The following KHDRBS2 variants were observed in gnomAD, a reference collection of about 807,000 sequenced individuals.
KHDRBS2 encodes KH domain-containing, RNA-binding, signal transduction-associated protein 2.
Under a neutral mutation model 44.3 loss-of-function variants are expected in KHDRBS2, and 26 were observed. The observed-to-expected ratio is 0.59, with a 90% CI of 0.43 to 0.81. The LOEUF is 0.81. KHDRBS2 is among the 40% of genes least tolerant of loss of function. The pLI is 0.00. For missense variants in KHDRBS2, 476 were observed against 433.1 expected (o/e 1.10, Z -0.88); for synonymous variants, 194 against 151.1 (o/e 1.28, Z -2.08).
chr6:61,607,763 C>G, the KHDRBS2 span, among the ~76,000 whole-genome samples: 1 of 152,144 alleles, frequency 6.6e-6, no homozygotes, highest in Non-Finnish European at 1.5e-5. Flanking sequence ...TCTTGGCTCA[C>G]TGCAACCTCC....
intron 6 of KHDRBS2, among the ~76,000 whole-genome samples, chr6:61,890,737 A>G (rs1030064580): frequency 1.3e-5 from 2 of 152,210 alleles, no homozygotes; most frequent in Non-Finnish European, 2.9e-5. Context: ...TATTTTTCAC[A>G]TACTATGTCT....
chr6:61,588,777 G>A, the KHDRBS2 span, among the ~76,000 whole-genome samples: 1 of 151,780 alleles, frequency 6.6e-6, no homozygotes, highest in Non-Finnish European at 1.5e-5. Context: ...GGCTGACAGG[G>A]CAAGACCCTG....
At chr6:62,261,914 T>C (rs1191519218) in intron 1 of KHDRBS2, among the ~76,000 whole-genome samples, 1 of 151,796 alleles carries the variant, frequency 6.6e-6, no homozygotes, top group Non-Finnish European at 1.5e-5. Flanking sequence ...GTTGTGGAAA[T>C]ACATGAGCGT....
chr6:61,747,844 A>G (rs1203728617), intron 6 of KHDRBS2, among the ~76,000 whole-genome samples: 1 of 152,190 alleles, frequency 6.6e-6, no homozygotes, highest in African/African-American at 2.4e-5. Context: ...CAGAATTACC[A>G]ATTTTATTTT....
chr6:62,211,023 G>A (rs539668059), intron 1 of KHDRBS2, among the ~76,000 whole-genome samples: 3 of 152,102 alleles, frequency 2.0e-5, no homozygotes, highest in Admixed American at 6.5e-5. Context: ...ATATACATAT[G>A]TTCAAACACC....
chr6:61,769,768 A>C (rs1281386617), intron 6 of KHDRBS2, among the ~76,000 whole-genome samples: 1 of 152,246 alleles, frequency 6.6e-6, no homozygotes, highest in African/African-American at 2.4e-5. Context: ...GGCAGGGCAC[A>C]GACAAACAAA....
At chr6:61,945,148 T>TATATATATATAC (rs1554284651) in intron 4 of KHDRBS2, among the ~76,000 whole-genome samples, 3 of 71,450 alleles carry the variant, frequency 4.2e-5, no homozygotes, top group African/African-American at 1.5e-4. Flanking sequence ...TATATATATA[T>TATATATATATAC]ATACACACAG....
intron 1 of KHDRBS2, among the ~76,000 whole-genome samples, chr6:62,282,393 G>A (rs1183434495): frequency 1.3e-5 from 2 of 152,078 alleles, no homozygotes; most frequent in African/African-American, 4.8e-5. Flanking sequence ...GTCATATAAT[G>A]AGTCAACCAA....
At position 61,945,127 on chromosome 6, in the gene KHDRBS2, A is replaced by AT. The variant is rs1562490714; in HGVS notation, c.483+32938dup. On this transcript the variant is annotated intron_variant, in intron 4 of 8. Coordinates refer to ENST00000281156, the MANE Select transcript of KHDRBS2 (RefSeq NM_152688.4). Reference sequence around the variant, plus strand: ...AAAAAAAAAAAGTATATATATATATATATATATATATATATATATATATAC... The same window carrying AT: ...AAAAAAAAAAAGTATATATATATATATTATATATATATATATATATATATAC... Among the ~76,000 whole-genome samples the AT allele has an allele frequency of 2.2e-5, 2 of 89,116 alleles. 1 individual carries two copies. The highest frequency in any genetic ancestry group is 4.7e-5 in the Non-Finnish European group (2 of 42,642). The allele number at this position is 89,116 out of a possible 152,430, so 58.5% of individuals were successfully genotyped here. A position where few individuals can be genotyped will look rare whatever the true frequency, so the allele number is the denominator to read the frequency against.
chr6:61,995,503 C>T (rs747717256), intron 3 of KHDRBS2, among the ~76,000 whole-genome samples: 3 of 152,168 alleles, frequency 2.0e-5, no homozygotes, highest in East Asian at 1.9e-4. Flanking sequence ...AATGTAATCT[C>T]ACCTGCCTGT....
chr6:61,581,576 A>C, the KHDRBS2 span, among the ~76,000 whole-genome samples: 1 of 89,434 alleles, frequency 1.1e-5, no homozygotes, highest in African/African-American at 3.9e-5. Context: ...ACAATATACA[A>C]TACACAATAT....
chr6:61,663,500 CATATAT>C, the KHDRBS2 span, among the ~76,000 whole-genome samples: 38 of 35,986 alleles, frequency 1.1e-3, 4 homozygotes, highest in South Asian at 9.7e-3. Context: ...CATGAGACAC[CATATAT>C]ATATATATAT....
intron 8 of KHDRBS2, among the ~76,000 whole-genome samples, chr6:61,687,745 G>T (rs1289905559): frequency 1.3e-5 from 2 of 151,344 alleles, no homozygotes; most frequent in Non-Finnish European, 2.9e-5. Flanking sequence ...CCTAAGCTTA[G>T]TTGGTTTGAA....
intron 6 of KHDRBS2, among the ~76,000 whole-genome samples, chr6:61,815,054 G>A (rs1743459): frequency 0.22 from 33,591 of 151,790 alleles, 4,642 homozygotes; most frequent in South Asian, 0.36. Context: ...AGGAAATAAC[G>A]ACAATAGTCT....
At chr6:61,633,935 C>T in the KHDRBS2 span, among the ~76,000 whole-genome samples, 7 of 151,850 alleles carry the variant, frequency 4.6e-5, no homozygotes, top group Admixed American at 2.0e-4. Context: ...AAATAGCATG[C>T]CATTGTAATT....
intron 2 of KHDRBS2, among the ~76,000 whole-genome samples, chr6:62,139,254 T>A (rs958515173): frequency 5.3e-5 from 8 of 152,068 alleles, no homozygotes; most frequent in Admixed American, 2.0e-4. Context: ...TTAAAAATTT[T>A]AAAAAATATT....
intron 3 of KHDRBS2, among the ~76,000 whole-genome samples, chr6:61,993,817 T>C (rs1776648825): frequency 3.3e-5 from 5 of 151,834 alleles, no homozygotes; most frequent in African/African-American, 9.7e-5. Context: ...CCTATGAAGT[T>C]ATTTAAACCT....
intron 2 of KHDRBS2, among the ~76,000 whole-genome samples, chr6:62,055,306 G>A (rs1790013558): frequency 6.6e-6 from 1 of 151,914 alleles, no homozygotes; most frequent in African/African-American, 2.4e-5. Flanking sequence ...AAGGAGGAAT[G>A]GGAATGGAAA....
chr6:61,595,715 T>C, the KHDRBS2 span, among the ~76,000 whole-genome samples: 1 of 151,954 alleles, frequency 6.6e-6, no homozygotes, highest in Non-Finnish European at 1.5e-5. Flanking sequence ...TAAAAATGTT[T>C]TCTCAATTTT....
Sources: allele counts gnomAD v4.1 joint callset (sites outside exome capture counted in the v4.1 genomes callset), GRCh38; gene constraint gnomAD v4.1.1; transcripts MANE v1.5; gene names NCBI Gene and HGNC (gene_info 2026-07-23, HGNC 2026-07-21).